The following SH3D19 variants were observed in gnomAD, a reference collection of about 807,000 sequenced individuals.
SH3D19 encodes the protein SH3 domain-containing protein 19.
In SH3D19, 58 loss-of-function variants were observed where a neutral mutation model predicts 112.1. The observed-to-expected ratio is 0.52, with a 90% CI of 0.42 to 0.64. SH3D19 has a LOEUF of 0.64. Ranked by LOEUF, SH3D19 falls within the 30% of genes least tolerant of loss-of-function variation. SH3D19 has a pLI of 0.00. For missense variants in SH3D19, 1,090 were observed against 1,263.4 expected (o/e 0.86, Z 2.08); for synonymous variants, 391 against 448.5 (o/e 0.87, Z 1.62).
chr4:151,139,153 A>AT (rs572032293), intron 13 of SH3D19, among the ~76,000 whole-genome samples: 215 of 141,638 alleles, frequency 1.5e-3, no homozygotes, highest in African/African-American at 4.1e-3. Context: ...AGTACCCACT[A>AT]TTTTTTTTTT....
intron 1 of SH3D19, among the ~76,000 whole-genome samples, chr4:151,251,991 C>T (rs1212328663): frequency 6.6e-6 from 1 of 152,144 alleles, no homozygotes; most frequent in East Asian, 1.9e-4. Flanking sequence ...GGAATTCCAC[C>T]ACCACACCTG....
At chr4:151,280,058 C>G in intron 1 of SH3D19, 1 of 1,369,440 alleles carries the variant, frequency 7.3e-7, no homozygotes, top group Non-Finnish European at 1.0e-6. Context: ...GTAAAATAGG[C>G]AGGGCGGAAG....
At chr4:151,239,243 G>A (rs968438613) in intron 1 of SH3D19, among the ~76,000 whole-genome samples, 1 of 152,180 alleles carries the variant, frequency 6.6e-6, no homozygotes, top group South Asian at 2.1e-4. Context: ...CTTCCACTAC[G>A]ATAAGGTTCT....
rs902059128 is a variant in SH3D19, at chr4:151,148,288, C to CACACAG, written c.1818-103_1818-102insCTGTGT. The CACACAG allele has an allele frequency of 6.2e-5, 51 of 824,292 alleles. No homozygotes were observed. In the African/African-American group the frequency reaches 7.3e-4, roughly 12 times the overall value. 51.1% of individuals were successfully genotyped at this position (824,292 alleles called of 1,614,324 possible). On this transcript the variant is annotated intron_variant, in intron 10 of 19. Coordinates refer to ENST00000604030, the MANE Select transcript of SH3D19 (RefSeq NM_001378122.1). ...ACACACACACACACACACACACACA[C>CACACAG]AGAGACACAGCTTTCTGCTAGTGGA...
chr4:151,234,077 A>G (rs1444503743), intron 1 of SH3D19, among the ~76,000 whole-genome samples: 3 of 152,212 alleles, frequency 2.0e-5, no homozygotes, highest in Non-Finnish European at 4.4e-5. Flanking sequence ...TTATAAATAC[A>G]ATAGTGATTT....
intron 17 of SH3D19, among the ~76,000 whole-genome samples, chr4:151,129,182 T>A (rs1750069389): frequency 6.6e-6 from 1 of 152,154 alleles, no homozygotes; most frequent in Admixed American, 6.6e-5. Context: ...CAATTCACAC[T>A]TTTAATTTTA....
At chr4:151,228,095 T>A (rs942283380) in intron 1 of SH3D19, 1 of 938,954 alleles carries the variant, frequency 1.1e-6, no homozygotes, top group South Asian at 4.9e-5. Context: ...CTTTCTGCTC[T>A]AAGAAAATAC....
intron 1 of SH3D19, among the ~76,000 whole-genome samples, chr4:151,314,165 G>A (rs1729765846): frequency 6.6e-6 from 1 of 152,116 alleles, no homozygotes; most frequent in South Asian, 2.1e-4. Context: ...TGCATTCTAG[G>A]GCTCATCAGC....
Position 151,174,927 on chromosome 4 carries a change from T to C in SH3D19, c.1277A>G (p.Lys426Arg), listed in dbSNP as rs752518836. 1 of 1,613,828 alleles carries C rather than the reference T, an allele frequency of 6.2e-7. No homozygotes were observed. Among genetic ancestry groups the C allele is most frequent in the Non-Finnish European group, 8.5e-7 (1 of 1,179,776 alleles). The change falls in exon 7 of 20, where the codon AAG (lysine) becomes AGG (arginine). Residue 426 changes from lysine to arginine, a missense_variant. By Grantham distance (26) the Lys-to-Arg change is conservative. Coordinates refer to ENST00000604030, the MANE Select transcript of SH3D19 (RefSeq NM_001378122.1). The part of the protein sequence containing the change: ...PTPAPRPLLL[K>R]KSVSSENPTY... ...GGGGTTTTCTGAGGAAACAGATTTCTTCAGCAGCAAAGGCCGCGGGGCAGG... is the reference window on the plus strand; with the variant it reads ...GGGGTTTTCTGAGGAAACAGATTTCCTCAGCAGCAAAGGCCGCGGGGCAGG...
At chr4:151,161,451 T>C (rs918753715) in intron 8 of SH3D19, among the ~76,000 whole-genome samples, 8 of 152,112 alleles carry the variant, frequency 5.3e-5, no homozygotes, top group Non-Finnish European at 1.0e-4. Context: ...AATAACTCTC[T>C]AGAAATCATT....
At chr4:151,257,248 C>T (rs1772001307) in intron 1 of SH3D19, among the ~76,000 whole-genome samples, 1 of 151,898 alleles carries the variant, frequency 6.6e-6, no homozygotes, top group Non-Finnish European at 1.5e-5. Flanking sequence ...TCACCATGCC[C>T]GGCTAATTTT....
At chr4:151,277,706 A>G (rs1773777633) in intron 1 of SH3D19, among the ~76,000 whole-genome samples, 1 of 152,156 alleles carries the variant, frequency 6.6e-6, no homozygotes, top group Admixed American at 6.5e-5. Context: ...TTTCAGGTAT[A>G]TGCTTGTTCA....
chr4:151,148,994 C>T (rs567583862), intron 10 of SH3D19, among the ~76,000 whole-genome samples: 12 of 152,014 alleles, frequency 7.9e-5, no homozygotes, highest in South Asian at 2.1e-4. Context: ...GCTGAGATCG[C>T]GCCACTGTAC....
At chr4:151,233,687 G>A (rs1206559692) in intron 1 of SH3D19, among the ~76,000 whole-genome samples, 3 of 152,164 alleles carry the variant, frequency 2.0e-5, no homozygotes, top group African/African-American at 7.2e-5. Flanking sequence ...ATATTTGCAG[G>A]TTCCAGGGAT....
chr4:151,149,593 G>T (rs749649815), intron 9 of SH3D19, 32 bp from the exon 10 acceptor site: 1 of 1,594,540 alleles, frequency 6.3e-7, no homozygotes. Context: ...TTTTAGTTAA[G>T]GTTAATCTGA....
At chr4:151,184,283 A>C (rs186592075) in intron 3 of SH3D19, among the ~76,000 whole-genome samples, 14 of 152,354 alleles carry the variant, frequency 9.2e-5, no homozygotes, top group Non-Finnish European at 1.9e-4. Context: ...TAGATGACTG[A>C]GTATGGGATA....
chr4:151,164,938 T>A (rs1441108430), intron 8 of SH3D19, among the ~76,000 whole-genome samples: 1 of 152,224 alleles, frequency 6.6e-6, no homozygotes, highest in Admixed American at 6.5e-5. Context: ...CTTCACCGAA[T>A]TCACACATAG....
chr4:151,178,134 G>A (rs752430200), intron 4 of SH3D19, among the ~76,000 whole-genome samples: 10 of 152,094 alleles, frequency 6.6e-5, no homozygotes, highest in Non-Finnish European at 1.3e-4. Flanking sequence ...GGCAGGTTTC[G>A]AACTCCCAGC....
chr4:151,188,134 C>T (rs72967504), intron 2 of SH3D19, among the ~76,000 whole-genome samples: 5,826 of 152,222 alleles, frequency 0.038, 326 homozygotes, highest in African/African-American at 0.13. Context: ...AGCCTCCATA[C>T]CCATGAGCCA....
Sources: allele counts gnomAD v4.1 joint callset (sites outside exome capture counted in the v4.1 genomes callset), GRCh38; gene constraint gnomAD v4.1.1; transcripts MANE v1.5; gene names NCBI Gene and HGNC (gene_info 2026-07-23, HGNC 2026-07-21).